Variants in DYNC2LI1 observed in about 807,000 individuals in gnomAD.
DYNC2LI1 encodes dynein cytoplasmic 2 light intermediate chain 1.
In DYNC2LI1, 45 loss-of-function variants were observed where a neutral mutation model predicts 51.9. The observed-to-expected ratio is 0.87, with a 90% confidence interval of 0.68 to 1.11. The LOEUF (loss-of-function observed/expected upper bound fraction) is 1.11. Among genes scored for constraint, DYNC2LI1 ranks in the 50% most tolerant of loss-of-function variants. The pLI, the probability that DYNC2LI1 is intolerant of heterozygous loss-of-function variation, is 0.00. For synonymous variants in DYNC2LI1, 130 were observed against 137.8 expected (o/e 0.94, Z 0.40); for missense variants, 490 against 417.4 (o/e 1.17, Z -1.51).
At chr2:43,783,806 A>G (rs991978103) in intron 3 of DYNC2LI1, among the ~76,000 whole-genome samples, 2 of 152,196 alleles carry the variant, frequency 1.3e-5, no homozygotes, top group African/African-American at 4.8e-5. Flanking sequence ...CCCAACCTAC[A>G]ATAGTATTTA....
At chr2:43,785,290 C>A (rs893639652) in intron 3 of DYNC2LI1, among the ~76,000 whole-genome samples, 23 of 152,060 alleles carry the variant, frequency 1.5e-4, no homozygotes, top group Admixed American at 3.9e-4. Flanking sequence ...CAGAGTGAGA[C>A]CCTGTCTCAA....
rs1170716777 is a variant in DYNC2LI1, at chr2:43,795,516, A to G, written c.508-374A>G. ...AGACTCTGCCTCAAAAGAAAAAAAAAGAGAGGAAGTGTTTTTCATAGGAAA... is the reference window on the plus strand; with the variant it reads ...AGACTCTGCCTCAAAAGAAAAAAAAGGAGAGGAAGTGTTTTTCATAGGAAA... On this transcript the variant is annotated intron_variant, in intron 6 of 12. Transcript: ENST00000260605. 3.9e-5 allele frequency among the ~76,000 whole-genome samples: 6 copies of G among 152,296 alleles called. No homozygotes were observed. In the South Asian group the frequency reaches 6.2e-4, roughly 16 times the overall value.
the DYNC2LI1 span, chr2:43,828,190 A>G: frequency 2.5e-6 from 4 of 1,605,764 alleles, no homozygotes; most frequent in African/African-American, 1.3e-5. Context: ...TGGGGAGGAC[A>G]TGAAAGAGGC....
At position 43,792,591 on chromosome 2, in the gene DYNC2LI1, ACCATACATCT is replaced by A. The variant is rs1673841206; in HGVS notation, c.321-1862_321-1853del. 7.3e-6 allele frequency: 10 copies of A among 1,363,702 alleles called. No individual in the cohort carries two copies. The African/African-American group carries it at 1.3e-4, about 18-fold the overall frequency. The allele number at this position is 1,363,702 out of a possible 1,614,324, so 84.5% of individuals were successfully genotyped here. On this transcript the variant is annotated intron_variant, in intron 5 of 12. Coordinates refer to ENST00000260605, the MANE Select transcript of DYNC2LI1 (RefSeq NM_016008.4). The stretch of plus-strand genomic sequence containing the variant: ...CAGTAACATCAAGTATATTCTCATC[ACCATACATCT>A]CCAGAACTTTTTGATCTTCTCAAAC...
At chr2:43,817,460 G>A in the DYNC2LI1 span, among the ~76,000 whole-genome samples, 8 of 152,044 alleles carry the variant, frequency 5.3e-5, no homozygotes, top group East Asian at 1.6e-3. Context: ...ATTCCAGCCT[G>A]GGTGACAGAG....
chr2:43,821,593 A>G, the DYNC2LI1 span, among the ~76,000 whole-genome samples: 4 of 151,880 alleles, frequency 2.6e-5, no homozygotes, highest in Non-Finnish European at 4.4e-5. Context: ...TGGGGACCCT[A>G]TTCTCCCTTA....
chr2:43,824,538 A>C, the DYNC2LI1 span: 1 of 1,591,872 alleles, frequency 6.3e-7, no homozygotes, highest in African/African-American at 1.3e-5. Flanking sequence ...TCATCCCATC[A>C]AGATAAAATT....
chr2:43,801,874 T>A (rs1012207176), intron 10 of DYNC2LI1, among the ~76,000 whole-genome samples, 165 bp downstream of exon 10: 5 of 152,168 alleles, frequency 3.3e-5, no homozygotes, highest in Admixed American at 2.6e-4. Context: ...GTAACATGCA[T>A]CACATTGACA....
intron 9 of DYNC2LI1, 106 bp downstream of exon 9, chr2:43,801,023 G>A: frequency 4.0e-6 from 2 of 500,396 alleles, no homozygotes; most frequent in Non-Finnish European, 6.6e-6. Flanking sequence ...GACCAGGAAA[G>A]TGACCCAGAT....
chr2:43,805,162 C>A lies in DYNC2LI1; in HGVS notation c.909C>A (p.Asn303Lys). 2 of 1,604,068 alleles carry A rather than the reference C, an allele frequency of 1.2e-6. No individual in the cohort carries two copies. Among genetic ancestry groups the A allele is most frequent in the Non-Finnish European group, 1.7e-6 (2 of 1,172,724 alleles). The change falls in exon 12 of 13, where the codon AAC (asparagine) becomes AAA (lysine). Residue 303 changes from asparagine to lysine, a missense_variant. Asn to Lys is a moderately conservative substitution (Grantham distance 94). Coordinates refer to ENST00000260605, the MANE Select transcript of DYNC2LI1 (RefSeq NM_016008.4). ...GAGATTTGTAATTTCAGAGTATTAA[C>A]ACGCTGAAAGATATCAAGGACCCTG... ...YEKLFPPKSI[N>K]TLKDIKDPAR...
chr2:43,813,163 G>T, downstream of DYNC2LI1: 1 of 1,480,332 alleles, frequency 6.8e-7, no homozygotes, highest in Non-Finnish European at 9.4e-7. Context: ...ACTATTCCTA[G>T]GATGACAAGA....
the DYNC2LI1 span, among the ~76,000 whole-genome samples, chr2:43,815,805 T>C: frequency 6.7e-6 from 1 of 150,210 alleles, no homozygotes; most frequent in African/African-American, 2.5e-5. Context: ...TGAGGTTGAA[T>C]GACCATGAAT....
intron 10 of DYNC2LI1, 70 bp from the exon 11 acceptor site, chr2:43,804,572 T>A (rs751374910): frequency 1.0e-5 from 10 of 1,002,298 alleles, no homozygotes; most frequent in Non-Finnish European, 1.5e-5. Context: ...GTTAGTGTCA[T>A]TTCTTTTATT....
intron 1 of DYNC2LI1, among the ~76,000 whole-genome samples, chr2:43,774,811 A>G (rs965762652): frequency 6.6e-6 from 1 of 152,120 alleles, no homozygotes; most frequent in African/African-American, 2.4e-5. Flanking sequence ...CTATGGTTAT[A>G]CTTCCCGATT....
At chr2:43,795,129 A>T in intron 6 of DYNC2LI1, 2 of 994,656 alleles carry the variant, frequency 2.0e-6, no homozygotes, top group Non-Finnish European at 1.2e-6. Flanking sequence ...AGTTGCTATG[A>T]TGGTAACACA....
At chr2:43,779,979 G>A (rs938075099) in intron 2 of DYNC2LI1, among the ~76,000 whole-genome samples, 5 of 152,176 alleles carry the variant, frequency 3.3e-5, no homozygotes, top group African/African-American at 1.2e-4. Context: ...GGAGCTCAGG[G>A]CATGAATGGT....
At chr2:43,804,988 A>G (rs1666197828) in intron 11 of DYNC2LI1, among the ~76,000 whole-genome samples, 166 bp from the exon 12 acceptor site, 1 of 151,940 alleles carries the variant, frequency 6.6e-6, no homozygotes, top group African/African-American at 2.4e-5. Context: ...CTGAAAGGGG[A>G]CCTGGCAGAA....
chr2:43,780,358 G>A (rs1329736457), intron 2 of DYNC2LI1, among the ~76,000 whole-genome samples: 1 of 152,116 alleles, frequency 6.6e-6, no homozygotes, highest in Non-Finnish European at 1.5e-5. Context: ...GACCCATGTG[G>A]GTGTGAAGAA....
chr2:43,792,824 C>A, intron 5 of DYNC2LI1: 2 of 1,513,416 alleles, frequency 1.3e-6, no homozygotes, highest in South Asian at 2.6e-5. Context: ...TAGTATGTGT[C>A]AGGATTTCCC....
Sources: allele counts gnomAD v4.1 joint callset (sites outside exome capture counted in the v4.1 genomes callset), GRCh38; gene constraint gnomAD v4.1.1; transcripts MANE v1.5; gene names NCBI Gene and HGNC (gene_info 2026-07-23, HGNC 2026-07-21).